Variants in KIF3B observed in about 807,000 individuals in gnomAD.
KIF3B encodes kinesin-like protein KIF3B.
In KIF3B, 38 loss-of-function variants were observed where a neutral mutation model predicts 74.3. The ratio of observed to expected loss-of-function variants is 0.51; its 90% CI spans 0.39 to 0.67. The LOEUF is 0.67. Among genes scored for constraint, KIF3B ranks in the 30% least tolerant of loss-of-function variants. The probability of loss-of-function intolerance (pLI) is 0.00; values close to 1 mark genes in which losing one functional copy is unlikely to be tolerated. For missense variants in KIF3B, 649 were observed against 932.0 expected (o/e 0.70, Z 3.95); for synonymous variants, 326 against 342.5 (o/e 0.95, Z 0.53).
chr20:32,323,856 C>G (rs1600438366), intron 5 of KIF3B, among the ~76,000 whole-genome samples: 2 of 151,600 alleles, frequency 1.3e-5, no homozygotes, highest in African/African-American at 4.8e-5. Context: ...CCAGCTGGGG[C>G]AACAAGAGCG....
intron 1 of KIF3B, among the ~76,000 whole-genome samples, chr20:32,304,701 G>A (rs1160078690): frequency 6.6e-6 from 1 of 152,112 alleles, no homozygotes; most frequent in East Asian, 1.9e-4. Flanking sequence ...GAGGATAAAT[G>A]TGTATTAATA....
At chr20:32,292,747 A>G (rs1265002449) in intron 1 of KIF3B, among the ~76,000 whole-genome samples, 1 of 150,544 alleles carries the variant, frequency 6.6e-6, no homozygotes, top group Non-Finnish European at 1.5e-5. Context: ...ACAGAGCAAG[A>G]CCTTGGCTCT....
intron 1 of KIF3B, among the ~76,000 whole-genome samples, chr20:32,306,175 A>C (rs2122685771): frequency 6.6e-6 from 1 of 151,704 alleles, no homozygotes; most frequent in Admixed American, 6.6e-5. Context: ...CAGGCCAGTC[A>C]TGAGGTCAGG....
intron 1 of KIF3B, among the ~76,000 whole-genome samples, chr20:32,290,674 C>G (rs2047687017): frequency 6.6e-6 from 1 of 152,082 alleles, no homozygotes; most frequent in Admixed American, 6.6e-5. Context: ...AGTTCCAGAC[C>G]AGCCTGGGCA....
chr20:32,320,479 A>G (rs1007507306), intron 5 of KIF3B, among the ~76,000 whole-genome samples: 1 of 145,856 alleles, frequency 6.9e-6, no homozygotes, highest in African/African-American at 2.6e-5. Context: ...TGCTTTCTTC[A>G]TATGTGTGTG....
At chr20:32,296,744 T>C (rs1159633886) in intron 1 of KIF3B, among the ~76,000 whole-genome samples, 4 of 152,228 alleles carry the variant, frequency 2.6e-5, no homozygotes, top group African/African-American at 9.6e-5. Flanking sequence ...TATGCACATA[T>C]AAGCAAATGT....
At chr20:32,327,429 C>T (rs540649305) in intron 6 of KIF3B, 127 bp from the exon 7 acceptor site, 62 of 664,544 alleles carry the variant, frequency 9.3e-5, no homozygotes, top group South Asian at 1.8e-4. Flanking sequence ...AAAACAGAAG[C>T]ATTTCCCGTC....
At position 32,316,581 on chromosome 20, in the gene KIF3B, T is replaced by C; in HGVS notation, c.1561T>C (p.Leu521=). The change falls in exon 4 of 9, where the codon TTG becomes CTG. Residue 521 remains leucine, a synonymous_variant. Coordinates refer to ENST00000375712, the MANE Select transcript of KIF3B (RefSeq NM_004798.4). ...GATGGAAAGTCGAGATGAGGAGACC[T>C]TGGAACTTAAAGAGACATACAGCTC... ...QQMESRDEET[L]ELKETYSSLQ... is the part of the protein sequence containing the mutation. 1 of 1,613,996 alleles carries C rather than the reference T, an allele frequency of 6.2e-7. No individual in the cohort carries two copies. The highest frequency in any genetic ancestry group is 8.5e-7 in the Non-Finnish European group (1 of 1,179,978).
chr20:32,283,039 A>C (rs2047651224), intron 1 of KIF3B, among the ~76,000 whole-genome samples: 1 of 152,076 alleles, frequency 6.6e-6, no homozygotes. Context: ...AAATTTAATA[A>C]ATTTATTCAT....
intron 6 of KIF3B, 91 bp from the exon 7 acceptor site, chr20:32,327,465 G>A (rs2047909441): frequency 1.0e-6 from 1 of 970,114 alleles, no homozygotes; most frequent in Admixed American, 1.9e-5. Flanking sequence ...TGCAGTCCAG[G>A]GAGTTACTTG....
In KIF3B at chr20:32,310,569, A is replaced by G. The variant is rs763217315; in HGVS notation, c.792A>G (p.Glu264=). The G allele has an allele frequency of 5.6e-6, 9 of 1,614,182 alleles. No individual in the cohort carries two copies. The highest frequency in any genetic ancestry group is 1.3e-5 in the African/African-American group (1 of 75,040). The change falls in exon 2 of 9, where the codon GAA becomes GAG. Residue 264 remains glutamate, a synonymous_variant. Coordinates refer to ENST00000375712, the MANE Select transcript of KIF3B (RefSeq NM_004798.4). The surrounding 1 kb of genome is among the most constrained non-coding windows in gnomAD (Gnocchi z 6.5). ...KTGAQGERLK[E]ATKINLSLSA... ...GCGCACAAGGGGAGAGATTAAAAGA[A>G]GCTACCAAGATCAACCTCTCCCTTT...
At chr20:32,314,162 G>A (rs2122697293) in intron 2 of KIF3B, among the ~76,000 whole-genome samples, 1 of 152,262 alleles carries the variant, frequency 6.6e-6, no homozygotes, top group Middle Eastern at 3.4e-3. Context: ...TCATCTTAAG[G>A]TCACTGCATC....
chr20:32,327,507 G>C (rs1290295663), intron 6 of KIF3B, 49 bp from the exon 7 acceptor site: 2 of 1,507,216 alleles, frequency 1.3e-6, no homozygotes, highest in Admixed American at 1.7e-5. Context: ...TCCGAGTGCT[G>C]GTTCCACAGG....
At chr20:32,304,406 A>G (rs2047759147) in intron 1 of KIF3B, among the ~76,000 whole-genome samples, 1 of 152,224 alleles carries the variant, frequency 6.6e-6, no homozygotes, top group African/African-American at 2.4e-5. Flanking sequence ...ATTTTTTAAA[A>G]ATTGCAATTG....
At chr20:32,281,449 C>T (rs2047642585) in intron 1 of KIF3B, among the ~76,000 whole-genome samples, 1 of 152,226 alleles carries the variant, frequency 6.6e-6, no homozygotes, top group African/African-American at 2.4e-5. Flanking sequence ...GTCCCTTGCT[C>T]TCATGCAGCT....
In KIF3B at chr20:32,331,899, A is replaced by G. The variant is rs1032077333; in HGVS notation, c.*580A>G. 2.0e-5 allele frequency: 3 copies of G among 153,074 alleles called. No individual in the cohort carries two copies. The highest frequency in any genetic ancestry group is 1.3e-4 in the Admixed American group (2 of 15,306). The allele number at this position is 153,074 out of a possible 1,614,324, so 9.5% of individuals were successfully genotyped here. A position where few individuals can be genotyped will look rare whatever the true frequency, so the allele number is the denominator to read the frequency against. ...CAGTCTTGCTTCCATGCACCTCAGTAAGAAGTGGATCTGCCTTTGGGACCT... is the reference window on the plus strand; with the variant it reads ...CAGTCTTGCTTCCATGCACCTCAGTGAGAAGTGGATCTGCCTTTGGGACCT... On this transcript the variant is annotated 3_prime_UTR_variant, in exon 9 of 9. Transcript: ENST00000375712.
chr20:32,316,185 C>T (rs369406978), intron 2 of KIF3B, 33 bp from the exon 3 acceptor site: 6 of 1,219,912 alleles, frequency 4.9e-6, no homozygotes, highest in Non-Finnish European at 7.3e-6. Context: ...AGAAACCGTT[C>T]ATGAGATGGA....
rs1194778208 is a variant in KIF3B at position 32,310,607 on chromosome 20, A to T, written c.830A>T (p.Asn277Ile). 1.2e-6 allele frequency: 2 copies of T among 1,614,112 alleles called. No homozygotes were observed. Among genetic ancestry groups the T allele is most frequent in the East Asian group, 4.5e-5 (2 of 44,874 alleles). The change falls in exon 2 of 9, where the codon AAT becomes ATT. Residue 277 changes from asparagine to isoleucine, a missense_variant. Transcript: ENST00000375712. The surrounding 1 kb of genome is among the most constrained non-coding windows in gnomAD (Gnocchi z 6.5). ...AACCTCTCCCTTTCCGCTTTGGGTA[A>T]TGTCATCTCTGCTCTAGTGGACGGC... Reference protein sequence around the residue: ...KINLSLSALGNVISALVDGKS... With the variant: ...KINLSLSALGIVISALVDGKS...
rs1008564758 is a variant in KIF3B at position 32,283,183 on chromosome 20, T to C, written c.-66+5418T>C. Among the ~76,000 whole-genome samples the C allele has an allele frequency of 2.6e-5, 4 of 152,086 alleles. No individual in the cohort carries two copies. The East Asian group carries it at 7.7e-4, about 29-fold the overall frequency. ...TCTTGAGTGGCTGGGACCGCAGGCA[T>C]GTACTGTCGTGCCTGGCTAATTTAA... is the stretch of plus-strand genomic sequence containing the variant. On this transcript the variant is annotated intron_variant, in intron 1 of 8. Coordinates refer to ENST00000375712, the MANE Select transcript of KIF3B (RefSeq NM_004798.4).
Sources: allele counts gnomAD v4.1 joint callset (sites outside exome capture counted in the v4.1 genomes callset), GRCh38; gene constraint gnomAD v4.1.1; non-coding constraint Gnocchi (gnomAD v3.1); transcripts MANE v1.5; gene names NCBI Gene and HGNC (gene_info 2026-07-23, HGNC 2026-07-21).